Variants in S100A8 observed in about 807,000 individuals in gnomAD.
S100A8 encodes protein S100-A8.
S100A8 carries 1 observed loss-of-function variant against 4.2 expected under a neutral mutation model. The ratio of observed to expected loss-of-function variants is 0.24; its 90% CI spans 0.08 to 1.12. The LOEUF (loss-of-function observed/expected upper bound fraction) is 1.12, where lower values mean the gene tolerates loss of function less well. S100A8 is among the 50% of genes most tolerant of loss of function. The probability of loss-of-function intolerance (pLI) is 0.53; values close to 1 mark genes in which losing one functional copy is unlikely to be tolerated. For synonymous variants in S100A8, 41 were observed against 44.7 expected, an observed-to-expected ratio of 0.92 and a Z score of 0.33; for missense variants, 96 against 111.8, an observed-to-expected ratio of 0.86 and a Z score of 0.64.
the S100A8 span, among the ~76,000 whole-genome samples, chr1:153,417,028 G>A: frequency 6.6e-6 from 1 of 152,358 alleles, no homozygotes; most frequent in African/African-American, 2.4e-5. Flanking sequence ...ACAGGGCTTG[G>A]CCTCTGGCCT....
the S100A8 span, among the ~76,000 whole-genome samples, chr1:153,407,341 G>C: frequency 6.6e-6 from 1 of 152,348 alleles, no homozygotes; most frequent in Non-Finnish European, 1.5e-5. Context: ...GGCTCGGACA[G>C]TCCCACACTC....
chr1:153,416,790 A>G, the S100A8 span, among the ~76,000 whole-genome samples: 8 of 152,214 alleles, frequency 5.3e-5, no homozygotes, highest in Admixed American at 3.3e-4. Context: ...ATCTCCTGAG[A>G]CAACTCCTGT....
chr1:153,400,286 C>T, the S100A8 span, among the ~76,000 whole-genome samples: 1 of 152,148 alleles, frequency 6.6e-6, no homozygotes, highest in Admixed American at 6.5e-5. Flanking sequence ...GTGGAAGTCA[C>T]CCTACTCTGA....
At chr1:153,418,953 C>A in the S100A8 span, among the ~76,000 whole-genome samples, 1 of 152,244 alleles carries the variant, frequency 6.6e-6, no homozygotes, top group South Asian at 2.1e-4. Context: ...CAAAAAGTCT[C>A]CTTAGAGAAC....
At chr1:153,399,913 C>T in the S100A8 span, among the ~76,000 whole-genome samples, 2 of 152,162 alleles carry the variant, frequency 1.3e-5, no homozygotes, top group African/African-American at 4.8e-5. Flanking sequence ...GGATGGAGTC[C>T]ACAGGGTGCA....
intron 1 of S100A8, 47 bp downstream of exon 1, chr1:153,390,994 C>T: frequency 1.0e-6 from 1 of 990,292 alleles, no homozygotes; most frequent in Non-Finnish European, 1.2e-6. Context: ...CTGACCCTCC[C>T]CAAGAGAAGC....
At chr1:153,396,342 G>A in the S100A8 span, among the ~76,000 whole-genome samples, 6 of 152,264 alleles carry the variant, frequency 3.9e-5, no homozygotes, top group Non-Finnish European at 8.8e-5. Flanking sequence ...GCTTGGGACC[G>A]AAACTTCTTT....
chr1:153,391,955 G>A (rs1052157103), upstream of S100A8, among the ~76,000 whole-genome samples: 3 of 152,150 alleles, frequency 2.0e-5, no homozygotes, highest in Non-Finnish European at 4.4e-5. Context: ...GAGAAGAGGA[G>A]GTGGCCAATT....
chr1:153,398,986 T>C, the S100A8 span, among the ~76,000 whole-genome samples: 2 of 152,190 alleles, frequency 1.3e-5, no homozygotes, highest in African/African-American at 4.8e-5. Flanking sequence ...GTACGTGTTC[T>C]CCAAACAGGT....
chr1:153,390,282 T>C (rs1212224001), intron 2 of S100A8, 39 bp from the exon 3 acceptor site: 8 of 1,604,204 alleles, frequency 5.0e-6, no homozygotes, highest in Non-Finnish European at 6.8e-6. Flanking sequence ...AGTTTAAAGA[T>C]CTCAGAGAGA....
chr1:153,394,563 G>T (rs893267959), upstream of S100A8, among the ~76,000 whole-genome samples: 1 of 152,130 alleles, frequency 6.6e-6, no homozygotes, highest in African/African-American at 2.4e-5. Flanking sequence ...TACAAAACAA[G>T]CACAGTGTGG....
the S100A8 span, chr1:153,416,646 G>C: frequency 2.7e-6 from 1 of 366,370 alleles, no homozygotes; most frequent in Non-Finnish European, 5.4e-6. Context: ...GGAAAGGGCT[G>C]TGGACAAAGT....
upstream of S100A8, among the ~76,000 whole-genome samples, chr1:153,394,001 G>A (rs1239525726): frequency 6.6e-6 from 1 of 152,194 alleles, no homozygotes; most frequent in African/African-American, 2.4e-5. Context: ...ACAGCCTTGG[G>A]TGCTTTGGGG....
At chr1:153,395,409 C>G (rs536216369), upstream of S100A8, among the ~76,000 whole-genome samples, 2 of 152,178 alleles carry the variant, frequency 1.3e-5, no homozygotes, top group African/African-American at 4.8e-5. Context: ...CCATGCCAAT[C>G]GCCAGCACCT....
At chr1:153,421,950 C>G in the S100A8 span, 2 of 152,234 alleles carry the variant, frequency 1.3e-5, no homozygotes, top group African/African-American at 4.8e-5. Flanking sequence ...GTTCCTGAGA[C>G]TATTTCACAC....
chr1:153,404,939 C>T, the S100A8 span, among the ~76,000 whole-genome samples: 1 of 151,670 alleles, frequency 6.6e-6, no homozygotes, highest in African/African-American at 2.4e-5. Context: ...CGTGTGGAAG[C>T]TTGGGAAACA....
chr1:153,419,056 G>A, the S100A8 span: 12 of 1,405,330 alleles, frequency 8.5e-6, no homozygotes, highest in Non-Finnish European at 7.9e-6. Flanking sequence ...CTAGGTACTT[G>A]TCTGTATCTC....
the S100A8 span, among the ~76,000 whole-genome samples, chr1:153,402,852 A>G: frequency 6.6e-6 from 1 of 152,224 alleles, no homozygotes; most frequent in Non-Finnish European, 1.5e-5. Context: ...CTACAGTACT[A>G]GATGTTAAGA....
Position 153,390,187 on chromosome 1 carries a change from A to G in S100A8, c.198T>C (p.Val66=). The change falls in exon 3 of 3, where the codon GTT becomes GTC. Residue 66 remains valine (V), a synonymous_variant. Transcript: ENST00000368733. ...KELDINTDGA[V]NFQEFLILVI... ...CCAGAATGAGGAACTCCTGGAAGTT[A>G]ACTGCACCATCAGTGTTGATATCCA... is the stretch of plus-strand genomic sequence containing the variant. 1 of 1,614,114 alleles carries G rather than the reference A, an allele frequency of 6.2e-7. No homozygotes were observed. Among genetic ancestry groups the G allele is most frequent in the South Asian group, 1.1e-5 (1 of 91,090 alleles).
Sources: gnomAD v4.1 joint callset for allele counts (sites outside exome capture counted in the v4.1 genomes callset) on GRCh38, gnomAD v4.1.1 for gene constraint, MANE v1.5 for transcripts, NCBI Gene and HGNC (gene_info 2026-07-23, HGNC 2026-07-21) for gene names.